The following PLCL1 variants were observed in gnomAD, a reference collection of about 807,000 sequenced individuals.
PLCL1 encodes inactive phospholipase C-like protein 1.
Under a neutral mutation model 84.4 loss-of-function variants are expected in PLCL1, and 41 were observed. That is an observed-to-expected ratio of 0.49 (90% CI 0.38 to 0.63). The LOEUF is 0.63. Among genes scored for constraint, PLCL1 ranks in the 30% least tolerant of loss-of-function variants. PLCL1 has a pLI of 0.00. For missense variants in PLCL1, 1,206 were observed against 1,367.8 expected (o/e 0.88, Z 1.87); for synonymous variants, 490 against 488.3 (o/e 1.00, Z -0.05).
rs1692641788 is a variant in PLCL1, at chr2:198,078,795, A to C, written c.241-4963A>C. Reference sequence around the variant, plus strand: ...TAAATATGCTCATGAGGTCAAAGGCAGGGAAGCTTGGGCTTGGTATTTCCT... The same window carrying C: ...TAAATATGCTCATGAGGTCAAAGGCCGGGAAGCTTGGGCTTGGTATTTCCT... On this transcript the variant is annotated intron_variant, in intron 1 of 5. Coordinates refer to ENST00000428675, the MANE Select transcript of PLCL1 (RefSeq NM_006226.4). Among the ~76,000 whole-genome samples the C allele has an allele frequency of 5.9e-5, 9 of 152,294 alleles. No individual in the cohort carries two copies. In the South Asian group the frequency reaches 1.9e-3, roughly 32 times the overall value.
intron 1 of PLCL1, among the ~76,000 whole-genome samples, chr2:197,968,823 T>C (rs2105795535): frequency 6.6e-6 from 1 of 152,320 alleles, no homozygotes; most frequent in South Asian, 2.1e-4. Context: ...TTACTCCCCT[T>C]ACCCCTCTTC....
intron 1 of PLCL1, among the ~76,000 whole-genome samples, chr2:197,956,154 T>A (rs749591274): frequency 1.3e-5 from 2 of 151,998 alleles, no homozygotes; most frequent in Admixed American, 6.6e-5. Flanking sequence ...ATGAACTCAT[T>A]CTTTTTTATG....
intron 1 of PLCL1, among the ~76,000 whole-genome samples, chr2:197,834,391 G>T (rs936170763): frequency 6.6e-6 from 1 of 152,132 alleles, no homozygotes; most frequent in African/African-American, 2.4e-5. Flanking sequence ...GAAAATTTTT[G>T]CCATGTAGCC....
intron 1 of PLCL1, among the ~76,000 whole-genome samples, chr2:197,814,108 T>C (rs1352524621): frequency 3.3e-5 from 5 of 152,184 alleles, no homozygotes; most frequent in Non-Finnish European, 1.5e-5. Context: ...GTGGGGCTCC[T>C]AGTAGTACAA....
intron 1 of PLCL1, among the ~76,000 whole-genome samples, chr2:197,889,180 A>T (rs913558155): frequency 7.2e-5 from 11 of 152,164 alleles, no homozygotes; most frequent in Non-Finnish European, 1.6e-4. Flanking sequence ...AAGCATAGTG[A>T]CTAGTGAGTC....
intron 5 of PLCL1, among the ~76,000 whole-genome samples, chr2:198,116,099 A>G (rs1462703643): frequency 6.6e-6 from 1 of 150,860 alleles, no homozygotes; most frequent in East Asian, 2.0e-4. Context: ...AAATCTAAAG[A>G]ATAATTTAGG....
chr2:197,836,254 G>C (rs924727498), intron 1 of PLCL1, among the ~76,000 whole-genome samples: 2 of 151,746 alleles, frequency 1.3e-5, no homozygotes, highest in Non-Finnish European at 2.9e-5. Context: ...GACCATCCCG[G>C]CTAAAACGGT....
intron 3 of PLCL1, among the ~76,000 whole-genome samples, chr2:198,099,149 G>A (rs111507290): frequency 2.0e-5 from 3 of 152,094 alleles, no homozygotes; most frequent in East Asian, 1.9e-4. Context: ...AGATTCTATC[G>A]ACTGAATCAA....
intron 1 of PLCL1, among the ~76,000 whole-genome samples, chr2:198,028,212 A>G (rs1356128094): frequency 6.6e-6 from 1 of 152,236 alleles, no homozygotes; most frequent in African/African-American, 2.4e-5. Context: ...TTAAAAGTAA[A>G]AATTTATACC....
At chr2:197,870,710 C>A (rs1330696580) in intron 1 of PLCL1, among the ~76,000 whole-genome samples, 1 of 152,114 alleles carries the variant, frequency 6.6e-6, no homozygotes, top group Non-Finnish European at 1.5e-5. Context: ...ACTACCCATA[C>A]CTCCAAGTCC....
chr2:198,064,738 AATT>A (rs1692282881), intron 1 of PLCL1, among the ~76,000 whole-genome samples: 1 of 152,174 alleles, frequency 6.6e-6, no homozygotes, highest in Admixed American at 6.6e-5. Flanking sequence ...AAATTGTATT[AATT>A]ATTAACTGTG....
At chr2:197,965,287 C>T (rs952809871) in intron 1 of PLCL1, among the ~76,000 whole-genome samples, 3 of 151,964 alleles carry the variant, frequency 2.0e-5, no homozygotes, top group East Asian at 1.9e-4. Context: ...GTTCAATCTT[C>T]GTAGGTTGTA....
chr2:198,063,184 T>A, intron 1 of PLCL1, among the ~76,000 whole-genome samples: 1 of 145,922 alleles, frequency 6.9e-6, no homozygotes, highest in South Asian at 2.1e-4. Context: ...TCCTCTTTAT[T>A]TTCAATTTTT....
At chr2:198,023,653 T>G (rs1691193110) in intron 1 of PLCL1, among the ~76,000 whole-genome samples, 3 of 152,230 alleles carry the variant, frequency 2.0e-5, no homozygotes, top group Admixed American at 2.0e-4. Flanking sequence ...AAAAAGCTCA[T>G]CATCACTGGT....
intron 1 of PLCL1, among the ~76,000 whole-genome samples, chr2:197,974,913 G>A (rs1689940000): frequency 1.3e-5 from 2 of 151,946 alleles, no homozygotes; most frequent in South Asian, 2.1e-4. Flanking sequence ...AGGCCGAGGC[G>A]GGTGGATCAT....
chr2:197,907,922 T>C lies in PLCL1; in HGVS notation c.240+102583T>C, dbSNP rs150543973. Among the ~76,000 whole-genome samples the C allele has an allele frequency of 2.6e-3, 392 of 152,282 alleles. 1 individual carries two copies. Among genetic ancestry groups the C allele is most frequent in the African/African-American group, 9.0e-3 (372 of 41,556 alleles). On this transcript the variant is annotated intron_variant, in intron 1 of 5. Coordinates refer to ENST00000428675, the MANE Select transcript of PLCL1 (RefSeq NM_006226.4). ...ATCACCTTACATTCTAAGTACTCTC[T>C]AGATGATTCTAATGAGCAGCTAAGG...
intron 5 of PLCL1, among the ~76,000 whole-genome samples, chr2:198,106,924 C>T (rs953440376): frequency 6.6e-6 from 1 of 151,852 alleles, no homozygotes; most frequent in Non-Finnish European, 1.5e-5. Flanking sequence ...TTTTAACTCA[C>T]GCCCATGGTT....
intron 1 of PLCL1, among the ~76,000 whole-genome samples, chr2:198,042,513 A>G (rs1691688631): frequency 6.6e-6 from 1 of 152,220 alleles, no homozygotes; most frequent in African/African-American, 2.4e-5. Context: ...AATAGGAAGG[A>G]AGGCAGACAT....
chr2:197,897,194 TCTC>T (rs1688166310), intron 1 of PLCL1, among the ~76,000 whole-genome samples: 2 of 29,764 alleles, frequency 6.7e-5, no homozygotes, highest in Admixed American at 4.0e-4. Context: ...TTCTTCTCCT[TCTC>T]CTTCTTCTTT....
Sources: allele counts gnomAD v4.1 joint callset (sites outside exome capture counted in the v4.1 genomes callset), GRCh38; gene constraint gnomAD v4.1.1; transcripts MANE v1.5; gene names NCBI Gene and HGNC (gene_info 2026-07-23, HGNC 2026-07-21).